Variants in GALNT13 observed in about 807,000 individuals in gnomAD.
GALNT13 encodes the protein UDP-GalNAc:polypeptide N-acetylgalactosaminyltransferase 13.
Under a neutral mutation model 64.2 loss-of-function variants are expected in GALNT13, and 28 were observed. The ratio of observed to expected loss-of-function variants is 0.44; its 90% CI spans 0.32 to 0.60. The LOEUF (loss-of-function observed/expected upper bound fraction) is 0.60. Among genes scored for constraint, GALNT13 ranks in the 20% least tolerant of loss-of-function variants. The probability of loss-of-function intolerance (pLI) is 0.05; values close to 1 mark genes in which losing one functional copy is unlikely to be tolerated. For synonymous variants in GALNT13, 214 were observed against 224.6 expected, an observed-to-expected ratio of 0.95 and a Z score of 0.42; for missense variants, 577 against 669.8, an observed-to-expected ratio of 0.86 and a Z score of 1.53.
the GALNT13 span, among the ~76,000 whole-genome samples, chr2:153,526,783 C>G: frequency 6.6e-6 from 1 of 151,860 alleles, no homozygotes; most frequent in Non-Finnish European, 1.5e-5. Flanking sequence ...TGAGAAAACT[C>G]AAATTCAAGA....
intron 4 of GALNT13, among the ~76,000 whole-genome samples, chr2:154,224,659 A>G (rs1049089986): frequency 6.6e-6 from 1 of 152,152 alleles, no homozygotes; most frequent in African/African-American, 2.4e-5. Context: ...AAAATGACAA[A>G]TCACTCTTCT....
the GALNT13 span, among the ~76,000 whole-genome samples, chr2:153,130,293 C>T: frequency 2.0e-5 from 3 of 152,146 alleles, no homozygotes; most frequent in Non-Finnish European, 4.4e-5. Context: ...CTCAAAACCC[C>T]TGTTTGAGTG....
rs1404932873 is a variant in GALNT13, at chr2:153,944,636, AG to A, written c.142+1del. On this transcript the variant is annotated frameshift_variant and splice_region_variant, in exon 3 of 13. Coordinates refer to ENST00000392825, the MANE Select transcript of GALNT13 (RefSeq NM_052917.4). LOFTEE classifies it high-confidence loss of function. ...GGAGAGATCTCTGCTGCCTGCATTG[AG>A]GGGTAAGTGCTTATGAAGCAAATAC... ...KKERSLLPAL[R>X]AVISRNQEGP... 1 of 1,612,690 alleles carries A rather than the reference AG, an allele frequency of 6.2e-7. No homozygotes were observed. The highest frequency in any genetic ancestry group is 2.2e-5 in the East Asian group (1 of 44,848).
the GALNT13 span, among the ~76,000 whole-genome samples, chr2:153,307,562 CAAT>C: frequency 6.6e-6 from 1 of 151,648 alleles, no homozygotes; most frequent in South Asian, 2.1e-4. Context: ...TATTTAGTCA[CAAT>C]AAAATAATCT....
chr2:153,325,412 A>T, the GALNT13 span, among the ~76,000 whole-genome samples: 1 of 150,716 alleles, frequency 6.6e-6, no homozygotes, highest in East Asian at 1.9e-4. Context: ...TTTGACTAGC[A>T]GTCTGTCTAT....
At chr2:154,119,752 A>G (rs565921422) in intron 3 of GALNT13, among the ~76,000 whole-genome samples, 32 of 151,952 alleles carry the variant, frequency 2.1e-4, no homozygotes, top group African/African-American at 6.5e-4. Context: ...TGTATTTTTT[A>G]TCTCTAGGAT....
the GALNT13 span, among the ~76,000 whole-genome samples, chr2:153,422,822 T>G: frequency 6.6e-6 from 1 of 152,030 alleles, no homozygotes. Context: ...TAGTCAACAA[T>G]TTAAGCATTG....
chr2:153,733,322 A>C, the GALNT13 span, among the ~76,000 whole-genome samples: 1 of 152,098 alleles, frequency 6.6e-6, no homozygotes, highest in African/African-American at 2.4e-5. Context: ...AAATTAAGCT[A>C]CTGAAGTTAG....
intron 4 of GALNT13, among the ~76,000 whole-genome samples, chr2:154,172,499 C>G (rs911810055): frequency 6.6e-6 from 1 of 151,926 alleles, no homozygotes; most frequent in Admixed American, 6.6e-5. Context: ...GTCTTCATGA[C>G]GTCCATACTT....
the GALNT13 span, among the ~76,000 whole-genome samples, chr2:153,665,982 T>C: frequency 6.6e-6 from 1 of 152,120 alleles, no homozygotes; most frequent in East Asian, 1.9e-4. Context: ...TTGGCTTTTG[T>C]TTACTGTCAG....
At chr2:154,202,302 T>G in intron 4 of GALNT13, among the ~76,000 whole-genome samples, 1 of 152,210 alleles carries the variant, frequency 6.6e-6, no homozygotes, top group African/African-American at 2.4e-5. Flanking sequence ...TATATGTATT[T>G]TAATTACATA....
chr2:153,930,115 TTA>T (rs1690416083), intron 2 of GALNT13, among the ~76,000 whole-genome samples: 1 of 152,164 alleles, frequency 6.6e-6, no homozygotes, highest in Non-Finnish European at 1.5e-5. Context: ...TCGTTTTTCC[TTA>T]TGTTTGTTGG....
chr2:154,298,698 G>A (rs1389804024), intron 8 of GALNT13, among the ~76,000 whole-genome samples: 5 of 112,712 alleles, frequency 4.4e-5, no homozygotes, highest in African/African-American at 7.0e-5. Flanking sequence ...TATATACATT[G>A]TATATACAAT....
At chr2:153,468,968 A>C in the GALNT13 span, among the ~76,000 whole-genome samples, 7 of 152,256 alleles carry the variant, frequency 4.6e-5, no homozygotes, top group Non-Finnish European at 8.8e-5. Context: ...CTGGATAATT[A>C]GCTATTGGGT....
the GALNT13 span, among the ~76,000 whole-genome samples, chr2:153,360,091 A>T: frequency 6.6e-6 from 1 of 152,306 alleles, no homozygotes; most frequent in African/African-American, 2.4e-5. Flanking sequence ...CAACTGAGGT[A>T]TCCAAGTTTC....
the GALNT13 span, among the ~76,000 whole-genome samples, chr2:153,228,442 G>T: frequency 4.6e-5 from 7 of 152,130 alleles, no homozygotes; most frequent in Admixed American, 2.6e-4. Flanking sequence ...CAGTGCCACA[G>T]TTGCACCAAT....
the GALNT13 span, among the ~76,000 whole-genome samples, chr2:153,802,614 G>C: frequency 2.0e-5 from 3 of 152,304 alleles, no homozygotes; most frequent in Non-Finnish European, 4.4e-5. Flanking sequence ...AGTGGATATG[G>C]ATGCCAATTT....
the GALNT13 span, among the ~76,000 whole-genome samples, chr2:153,295,566 G>C: frequency 1.3e-5 from 2 of 150,302 alleles, no homozygotes; most frequent in Non-Finnish European, 3.0e-5. Context: ...CTCCACCTCA[G>C]ATCCTCTGGG....
the GALNT13 span, among the ~76,000 whole-genome samples, chr2:153,552,954 C>T: frequency 6.6e-6 from 1 of 152,144 alleles, no homozygotes; most frequent in African/African-American, 2.4e-5. Context: ...GTAATGCTTG[C>T]TTACCTGCAG....
Sources: gnomAD v4.1 joint callset for allele counts (sites outside exome capture counted in the v4.1 genomes callset) on GRCh38, gnomAD v4.1.1 for gene constraint, MANE v1.5 for transcripts, NCBI Gene and HGNC (gene_info 2026-07-23, HGNC 2026-07-21) for gene names.